The following UTP18 variants were observed in gnomAD, a reference collection of about 807,000 sequenced individuals.
UTP18 encodes U3 small nucleolar RNA-associated protein 18 homolog.
UTP18 carries 36 observed loss-of-function variants against 61.1 expected under a neutral mutation model. The observed-to-expected ratio is 0.59, with a 90% confidence interval of 0.45 to 0.78. UTP18 has a LOEUF of 0.78. Among genes scored for constraint, UTP18 ranks in the 30% least tolerant of loss-of-function variants. UTP18 has a pLI of 0.00. For synonymous variants in UTP18, 282 were observed against 251.1 expected (o/e 1.12, Z -1.16); for missense variants, 753 against 693.9 (o/e 1.09, Z -0.96).
chr17:51,285,885 T>C (rs1382141215), intron 10 of UTP18, among the ~76,000 whole-genome samples: 2 of 152,196 alleles, frequency 1.3e-5, no homozygotes, highest in Admixed American at 6.5e-5. Flanking sequence ...ATAATTGCAG[T>C]TGAACACCTT....
chr17:51,293,847 T>A, intron 11 of UTP18, 56 bp from the exon 12 acceptor site: 1 of 1,385,878 alleles, frequency 7.2e-7, no homozygotes, highest in Non-Finnish European at 9.5e-7. Flanking sequence ...GATTACAATT[T>A]AAGAAACATG....
intron 4 of UTP18, among the ~76,000 whole-genome samples, chr17:51,270,265 ATCT>A (rs1300474572): frequency 6.6e-6 from 1 of 152,170 alleles, no homozygotes; most frequent in Non-Finnish European, 1.5e-5. Context: ...CATATAGATT[ATCT>A]TCTTTTTCTC....
rs1904750702 is a variant in UTP18, at chr17:51,277,124, T to C, written c.838-6T>C. ...ATCAAAAGAACCATTTTGTACTTCT[T>C]TATAGGTTGATGGGAAAACAAATCC... On this transcript the variant is annotated splice_region_variant and splice_polypyrimidine_tract_variant and intron_variant, in intron 6 of 13. Transcript: ENST00000225298. 6.2e-7 allele frequency: 1 copy of C among 1,613,392 alleles called. No homozygotes were observed. The highest frequency in any genetic ancestry group is 8.5e-7 in the Non-Finnish European group (1 of 1,179,598).
intron 4 of UTP18, among the ~76,000 whole-genome samples, chr17:51,272,531 G>A (rs941839140): frequency 4.4e-4 from 67 of 152,020 alleles, no homozygotes; most frequent in African/African-American, 1.5e-3. Flanking sequence ...TCATTGAGTG[G>A]TGGACATTGC....
chr17:51,277,986 C>T (rs1049224047), intron 7 of UTP18, among the ~76,000 whole-genome samples: 9 of 152,144 alleles, frequency 5.9e-5, no homozygotes, highest in African/African-American at 2.2e-4. Context: ...CACTGGTGCT[C>T]TCCCTATTAA....
chr17:51,292,097 A>G (rs1394792485), intron 11 of UTP18, among the ~76,000 whole-genome samples: 5 of 152,246 alleles, frequency 3.3e-5, no homozygotes, highest in African/African-American at 1.2e-4. Context: ...AAATTTATAT[A>G]ATATCTGCCT....
In UTP18 at chr17:51,263,261, T is replaced by G. The variant is rs1240093178; in HGVS notation, c.343-13T>G. 1 of 1,611,470 alleles carries G rather than the reference T, an allele frequency of 6.2e-7. No homozygotes were observed. Among genetic ancestry groups the G allele is most frequent in the African/African-American group, 1.3e-5 (1 of 74,840 alleles). On this transcript the variant is annotated splice_polypyrimidine_tract_variant and intron_variant, in intron 1 of 13. Coordinates refer to ENST00000225298, the MANE Select transcript of UTP18 (RefSeq NM_016001.3). ...GAAAATCTCAGTGCTTGAGGGTGTT[T>G]TGTCTGCTGTAGGTTCAAGAACATG... is the stretch of plus-strand genomic sequence containing the variant.
intron 11 of UTP18, among the ~76,000 whole-genome samples, chr17:51,293,055 GT>G (rs1233423161): frequency 2.6e-5 from 4 of 152,192 alleles, no homozygotes; most frequent in African/African-American, 7.2e-5. Context: ...ACTTTATAAT[GT>G]TTAATTTTTT....
chr17:51,266,339 T>C lies in UTP18; in HGVS notation c.554+59T>C, dbSNP rs928150972. The C allele has an allele frequency of 6.9e-6, 8 of 1,161,862 alleles. No individual in the cohort carries two copies. The African/African-American group carries it at 8.0e-5, about 12-fold the overall frequency. 72.0% of individuals were successfully genotyped at this position (1,161,862 alleles called of 1,614,324 possible). The stretch of plus-strand genomic sequence containing the variant: ...GTGTATGTAACCAATGCCCAGTCAT[T>C]AACCGTAACCGCTTCTTGTGTAGTT... On this transcript the variant is annotated intron_variant, in intron 3 of 13. Coordinates refer to ENST00000225298, the MANE Select transcript of UTP18 (RefSeq NM_016001.3).
At chr17:51,273,720 C>T (rs947461605) in intron 5 of UTP18, among the ~76,000 whole-genome samples, 1 of 114,466 alleles carries the variant, frequency 8.7e-6, no homozygotes, top group African/African-American at 2.9e-5. Flanking sequence ...CGGGTGAAAG[C>T]GAGACCCTGT....
intron 13 of UTP18, among the ~76,000 whole-genome samples, chr17:51,297,236 A>C (rs545330840): frequency 6.6e-6 from 1 of 152,262 alleles, no homozygotes; most frequent in East Asian, 1.9e-4. Flanking sequence ...CTGATCTCTA[A>C]TGTTGCATTC....
chr17:51,273,735 A>C (rs186274344), intron 5 of UTP18, among the ~76,000 whole-genome samples: 143 of 145,486 alleles, frequency 9.8e-4, no homozygotes, highest in African/African-American at 3.5e-3. Flanking sequence ...CCCTGTCTCT[A>C]AAATAATAAA....
At chr17:51,261,766 A>G (rs1435861174) in intron 1 of UTP18, among the ~76,000 whole-genome samples, 5 of 152,066 alleles carry the variant, frequency 3.3e-5, no homozygotes, top group African/African-American at 1.2e-4. Context: ...GGGGCAGAGG[A>G]AAGCTCACCG....
chr17:51,269,794 A>T (rs949310766), intron 4 of UTP18, among the ~76,000 whole-genome samples: 1 of 151,896 alleles, frequency 6.6e-6, no homozygotes, highest in Non-Finnish European at 1.5e-5. Flanking sequence ...CCACTGCAGT[A>T]ATCTTTTCTA....
intron 7 of UTP18, 38 bp downstream of exon 7, chr17:51,277,342 C>G: frequency 6.2e-7 from 1 of 1,604,106 alleles, no homozygotes; most frequent in Non-Finnish European, 8.5e-7. Context: ...CAGTCATTCC[C>G]CCCAAGGTGA....
chr17:51,293,032 T>TA (rs1286981844), intron 11 of UTP18, among the ~76,000 whole-genome samples: 2 of 152,242 alleles, frequency 1.3e-5, no homozygotes, highest in Non-Finnish European at 2.9e-5. Context: ...AGGCTTCAGT[T>TA]ATGTAAAATC....
chr17:51,284,987 G>T (rs1227720135), intron 9 of UTP18, among the ~76,000 whole-genome samples: 6 of 151,912 alleles, frequency 3.9e-5, no homozygotes, highest in African/African-American at 1.5e-4. Context: ...CTTGAACCCG[G>T]GAGAAGGAGG....
intron 2 of UTP18, among the ~76,000 whole-genome samples, chr17:51,265,294 G>A (rs527640290): frequency 1.5e-5 from 2 of 136,226 alleles, no homozygotes. Flanking sequence ...ATGGAGTTTT[G>A]CTCTTCTTGC....
At chr17:51,262,017 C>T (rs1021607303) in intron 1 of UTP18, among the ~76,000 whole-genome samples, 3 of 152,040 alleles carry the variant, frequency 2.0e-5, no homozygotes, top group African/African-American at 7.2e-5. Flanking sequence ...AAGTAGAAAC[C>T]ACTTGGACAT....
Sources: gnomAD v4.1 joint callset for allele counts (sites outside exome capture counted in the v4.1 genomes callset) on GRCh38, gnomAD v4.1.1 for gene constraint, MANE v1.5 for transcripts, NCBI Gene and HGNC (gene_info 2026-07-23, HGNC 2026-07-21) for gene names.